Variants in UGT1A8 observed in about 807,000 individuals in gnomAD.
UGT1A8 encodes UDP-glucuronosyltransferase 1A8.
A neutral mutation model predicts 45.3 loss-of-function variants in UGT1A8; 39 were observed. That is an observed-to-expected ratio of 0.86 (90% CI 0.67 to 1.12). UGT1A8 has a LOEUF of 1.12. Ranked by LOEUF, UGT1A8 falls within the 50% of genes most tolerant of loss-of-function variation. The pLI, the probability that UGT1A8 is intolerant of heterozygous loss-of-function variation, is 0.00. For synonymous variants in UGT1A8, 275 were observed against 249.2 expected, an observed-to-expected ratio of 1.10 and a Z score of -0.97; for missense variants, 719 against 664.9, an observed-to-expected ratio of 1.08 and a Z score of -0.90.
At chr2:233,663,432 GT>G (rs2074013696) in intron 1 of UGT1A8, among the ~76,000 whole-genome samples, 1 of 152,094 alleles carries the variant, frequency 6.6e-6, no homozygotes, top group Admixed American at 6.6e-5. Context: ...CACTGAATCA[GT>G]TCCTGGGTGG....
rs369417360 is a variant in UGT1A8, at chr2:233,713,137, G to A, written c.856-53897G>A. The A allele has an allele frequency of 3.5e-5, 57 of 1,614,192 alleles. No homozygotes were observed. The South Asian group carries it at 5.3e-4, about 15-fold the overall frequency. ...TGGCTCAGCATGCGGGAGGCCTTGC[G>A]GGACCTCCATGCGAGAGGCCACCAG... On this transcript the variant is annotated intron_variant, in intron 1 of 4. Transcript: ENST00000373450.
chr2:233,674,429 C>T (rs2074284490), intron 1 of UGT1A8, among the ~76,000 whole-genome samples: 1 of 152,156 alleles, frequency 6.6e-6, no homozygotes, highest in African/African-American at 2.4e-5. Context: ...GTAACAGGCA[C>T]CACTTATGTG....
chr2:233,683,667 CT>C (rs2074645385), intron 1 of UGT1A8, among the ~76,000 whole-genome samples: 1 of 152,048 alleles, frequency 6.6e-6, no homozygotes, highest in South Asian at 2.1e-4. Context: ...TTTCATCTTT[CT>C]TATTAACCTT....
intron 1 of UGT1A8, among the ~76,000 whole-genome samples, chr2:233,663,707 T>C (rs2074018398): frequency 6.6e-6 from 1 of 152,184 alleles, no homozygotes; most frequent in African/African-American, 2.4e-5. Context: ...TTTAAACAAC[T>C]ATAAAATAAG....
intron 1 of UGT1A8, among the ~76,000 whole-genome samples, chr2:233,683,893 T>C (rs537547102): frequency 6.6e-6 from 1 of 152,300 alleles, no homozygotes; most frequent in Admixed American, 6.5e-5. Flanking sequence ...TATTTATACC[T>C]CTTATTTTGG....
intron 1 of UGT1A8, chr2:233,691,420 A>T: frequency 1.0e-6 from 1 of 985,520 alleles, no homozygotes; most frequent in Non-Finnish European, 1.2e-6. Flanking sequence ...TGGCCCCTCT[A>T]ATCATGTTGC....
chr2:233,740,162 T>C (rs747087545), intron 1 of UGT1A8, among the ~76,000 whole-genome samples: 1 of 151,900 alleles, frequency 6.6e-6, no homozygotes, highest in Non-Finnish European at 1.5e-5. Context: ...TCCCCAGTCA[T>C]GTGGAACTGT....
At chr2:233,701,761 A>G (rs1268136648) in intron 1 of UGT1A8, among the ~76,000 whole-genome samples, 1 of 152,234 alleles carries the variant, frequency 6.6e-6, no homozygotes, top group African/African-American at 2.4e-5. Context: ...ACATAACGAA[A>G]TGAAGGCAGA....
intron 1 of UGT1A8, among the ~76,000 whole-genome samples, chr2:233,646,403 A>T (rs2073605083): frequency 6.6e-6 from 1 of 152,244 alleles, no homozygotes; most frequent in Non-Finnish European, 1.5e-5. Flanking sequence ...TTCTCCTCAG[A>T]AAATGGGATT....
At chr2:233,766,233 G>A (rs1441393259) in intron 1 of UGT1A8, among the ~76,000 whole-genome samples, 4 of 152,090 alleles carry the variant, frequency 2.6e-5, no homozygotes, top group African/African-American at 9.7e-5. Context: ...AATGGGAAGG[G>A]TTTCCCCTGG....
intron 1 of UGT1A8, among the ~76,000 whole-genome samples, chr2:233,709,916 C>T (rs1451776215): frequency 6.6e-6 from 1 of 152,228 alleles, no homozygotes; most frequent in African/African-American, 2.4e-5. Flanking sequence ...AATACCTCCC[C>T]TCACCTTAGG....
At chr2:233,723,514 A>G (rs2077090409) in intron 1 of UGT1A8, among the ~76,000 whole-genome samples, 1 of 107,644 alleles carries the variant, frequency 9.3e-6, no homozygotes, top group Non-Finnish European at 1.8e-5. Context: ...CTGGTCAACA[A>G]TCTTTTTTTT....
intron 1 of UGT1A8, among the ~76,000 whole-genome samples, chr2:233,733,093 A>C (rs1291548117): frequency 1.3e-5 from 2 of 152,138 alleles, no homozygotes; most frequent in Non-Finnish European, 2.9e-5. Flanking sequence ...GAGTTCACTC[A>C]TGGTTTGGCT....
Position 233,727,426 on chromosome 2 carries a change from C to G in UGT1A8, c.856-39608C>G, listed in dbSNP as rs186038062. On this transcript the variant is annotated intron_variant, in intron 1 of 4. Coordinates refer to ENST00000373450, the MANE Select transcript of UGT1A8 (RefSeq NM_019076.5). ...TGGGCCTCCTCAGGGTCTGGGAGTCCCAGACATGTGACAAGAAATCAGATG... is the reference window on the plus strand; with the variant it reads ...TGGGCCTCCTCAGGGTCTGGGAGTCGCAGACATGTGACAAGAAATCAGATG... 2.0e-5 allele frequency among the ~76,000 whole-genome samples: 3 copies of G among 152,090 alleles called. No homozygotes were observed. In the South Asian group the frequency reaches 6.2e-4, roughly 32 times the overall value.
rs552702165 is a variant in UGT1A8, at chr2:233,713,903, C to G, written c.856-53131C>G. The G allele has an allele frequency of 2.5e-6, 4 of 1,612,846 alleles. No homozygotes were observed. The Admixed American group carries it at 6.7e-5, about 27-fold the overall frequency. On this transcript the variant is annotated intron_variant, in intron 1 of 4. Coordinates refer to ENST00000373450, the MANE Select transcript of UGT1A8 (RefSeq NM_019076.5). ...TCCAATCAATGTTCCAGGCAAAACA[C>G]TTTTTAAAAAATGTATTTACTTACA...
chr2:233,742,756 G>T (rs1692089977), intron 1 of UGT1A8: 1 of 153,056 alleles, frequency 6.5e-6, no homozygotes, highest in Middle Eastern at 3.4e-3. Flanking sequence ...AAAATATTAA[G>T]ATAATAAATG....
Position 233,637,466 on chromosome 2 carries a change from C to T in UGT1A8, c.855+18904C>T, listed in dbSNP as rs543184503. ...TTACTGAACTGTGATTTGACATTTT[C>T]GTTTGTTGCATTTCAAATTTCTTTC... On this transcript the variant is annotated intron_variant, in intron 1 of 4. Coordinates refer to ENST00000373450, the MANE Select transcript of UGT1A8 (RefSeq NM_019076.5). 10 of 1,500,460 alleles carry T rather than the reference C, an allele frequency of 6.7e-6. 1 individual carries two copies. The Admixed American group carries it at 6.9e-5, about 10-fold the overall frequency. The allele number at this position is 1,500,460 out of a possible 1,614,324, so 92.9% of individuals were successfully genotyped here.
At chr2:233,664,959 C>T (rs1160760466) in intron 1 of UGT1A8, among the ~76,000 whole-genome samples, 1 of 152,060 alleles carries the variant, frequency 6.6e-6, no homozygotes, top group Non-Finnish European at 1.5e-5. Context: ...GGGAAAATAC[C>T]AAAAACCACA....
At chr2:233,762,032 T>A (rs34562642) in intron 1 of UGT1A8, among the ~76,000 whole-genome samples, 31 of 152,346 alleles carry the variant, frequency 2.0e-4, no homozygotes, top group East Asian at 3.9e-4. Context: ...TTATTTTTTT[T>A]AATTTTCTGT....
Sources: allele counts gnomAD v4.1 joint callset (sites outside exome capture counted in the v4.1 genomes callset), GRCh38; gene constraint gnomAD v4.1.1; transcripts MANE v1.5; gene names NCBI Gene and HGNC (gene_info 2026-07-23, HGNC 2026-07-21).